Variants in PPEF1 observed in about 807,000 individuals in gnomAD.
PPEF1 encodes serine/threonine-protein phosphatase with EF-hands 1.
PPEF1 carries 12 observed loss-of-function variants against 53.3 expected under a neutral mutation model. The observed-to-expected ratio is 0.23, with a 90% CI of 0.14 to 0.36. The LOEUF (loss-of-function observed/expected upper bound fraction) is 0.36. PPEF1 is among the 10% of genes least tolerant of loss of function. The probability of loss-of-function intolerance (pLI) is 1.00; values close to 1 mark genes in which losing one functional copy is unlikely to be tolerated. For synonymous variants in PPEF1, 165 were observed against 176.7 expected (o/e 0.93, Z 0.52); for missense variants, 334 against 490.4 (o/e 0.68, Z 3.01).
intron 10 of PPEF1, among the ~76,000 whole-genome samples, chrX:18,802,053 CTT>C (rs1444206324): frequency 1.8e-5 from 2 of 109,268 alleles, no homozygotes; most frequent in African/African-American, 6.6e-5. Context: ...AGCCTCCAAT[CTT>C]TATGAAAAAT....
At chrX:18,766,269 G>C (rs1602428653) in intron 6 of PPEF1, among the ~76,000 whole-genome samples, 1 of 110,045 alleles carries the variant, frequency 9.1e-6, no homozygotes, top group Non-Finnish European at 1.9e-5. Context: ...AGGAAGCCCC[G>C]ACCATCTGAT....
intron 12 of PPEF1, 28 bp downstream of exon 12, chrX:18,806,573 G>A: frequency 1.7e-6 from 2 of 1,168,745 alleles, no homozygotes; most frequent in East Asian, 3.0e-5. Context: ...AGAGTGCTGA[G>A]CACTGGTATC....
chrX:18,752,018 G>A (rs1452130613), intron 4 of PPEF1, among the ~76,000 whole-genome samples: 1 of 111,801 alleles, frequency 8.9e-6, no homozygotes, highest in Non-Finnish European at 1.9e-5. Flanking sequence ...TGAATTTGAA[G>A]ATCAAATTTT....
intron 10 of PPEF1, among the ~76,000 whole-genome samples, chrX:18,794,571 T>C (rs1329988887): frequency 2.7e-5 from 3 of 112,847 alleles, no homozygotes; most frequent in Non-Finnish European, 5.6e-5. Context: ...TTGCCCTTCT[T>C]GGCATAGCAC....
At chrX:18,731,886 TTTTA>T (rs1343037402) in intron 2 of PPEF1, among the ~76,000 whole-genome samples, 73 of 112,234 alleles carry the variant, frequency 6.5e-4, no homozygotes, top group African/African-American at 2.3e-3. Flanking sequence ...CTGGCTTCTT[TTTTA>T]TTTATTTATT....
chrX:18,721,292 G>T (rs1451459978), intron 1 of PPEF1, among the ~76,000 whole-genome samples: 3 of 112,144 alleles, frequency 2.7e-5, no homozygotes, highest in Non-Finnish European at 5.6e-5. Flanking sequence ...ACAATTCCTT[G>T]ATGGAAAAGC....
intron 4 of PPEF1, among the ~76,000 whole-genome samples, chrX:18,694,100 T>G (rs1929572635): frequency 8.9e-6 from 1 of 111,750 alleles, no homozygotes; most frequent in African/African-American, 3.3e-5. Flanking sequence ...CTCAGCATAA[T>G]GCCTTTGAGA....
At chrX:18,793,079 G>A (rs1454136787) in intron 10 of PPEF1, among the ~76,000 whole-genome samples, 3 of 107,215 alleles carry the variant, frequency 2.8e-5, no homozygotes, top group African/African-American at 6.8e-5. Context: ...TTTGGGTTTA[G>A]TTTGCTCTTC....
chrX:18,681,544 T>C (rs1166432736), upstream of PPEF1, among the ~76,000 whole-genome samples: 1 of 111,818 alleles, frequency 8.9e-6, no homozygotes, highest in East Asian at 2.8e-4. Flanking sequence ...AGCAGAGACG[T>C]TTCCTAATTC....
intron 1 of PPEF1, among the ~76,000 whole-genome samples, chrX:18,729,776 C>T (rs1379596647): frequency 8.9e-6 from 1 of 112,394 alleles, no homozygotes; most frequent in African/African-American, 3.2e-5. Context: ...ATTGCTACTT[C>T]ATAGGGTATA....
At chrX:18,751,637 A>G (rs1428105612) in intron 4 of PPEF1, among the ~76,000 whole-genome samples, 3 of 111,888 alleles carry the variant, frequency 2.7e-5, no homozygotes, top group East Asian at 5.7e-4. Context: ...AAAATTAGCC[A>G]GGCATGGTGG....
intron 5 of PPEF1, among the ~76,000 whole-genome samples, chrX:18,699,021 T>C (rs1382615404): frequency 8.9e-6 from 1 of 111,826 alleles, no homozygotes; most frequent in South Asian, 3.8e-4. Flanking sequence ...ATAGCCATAA[T>C]TTAATGGCTG....
At chrX:18,749,561 T>C (rs1330333133) in intron 3 of PPEF1, among the ~76,000 whole-genome samples, 1 of 111,499 alleles carries the variant, frequency 9.0e-6, no homozygotes. Flanking sequence ...ATGGACCCAC[T>C]GCTGTGGTAA....
intron 3 of PPEF1, among the ~76,000 whole-genome samples, chrX:18,735,924 CTGTT>C (rs974559782): frequency 9.0e-6 from 1 of 111,571 alleles, no homozygotes; most frequent in East Asian, 2.8e-4. Context: ...ATTTGGCTCT[CTGTT>C]TGTCTGTTAT....
At chrX:18,801,383 A>G (rs1483088668) in intron 10 of PPEF1, among the ~76,000 whole-genome samples, 1 of 111,847 alleles carries the variant, frequency 8.9e-6, no homozygotes, top group Non-Finnish European at 1.9e-5. Flanking sequence ...TACCAAACTT[A>G]TAAACGGGTG....
intron 1 of PPEF1, among the ~76,000 whole-genome samples, chrX:18,718,909 C>T (rs2044518884): frequency 8.9e-6 from 1 of 111,867 alleles, no homozygotes; most frequent in Non-Finnish European, 1.9e-5. Flanking sequence ...TAATGCGGAT[C>T]GTATTTGACC....
At chrX:18,767,860 T>C in intron 6 of PPEF1, among the ~76,000 whole-genome samples, 1 of 111,077 alleles carries the variant, frequency 9.0e-6, no homozygotes, top group East Asian at 2.9e-4. Context: ...GGATTTCTCT[T>C]GGTAGCATCA....
In PPEF1 at chrX:18,755,332, C is replaced by T. The variant is rs185857080; in HGVS notation, c.397-2295C>T. Reference sequence around the variant, plus strand: ...CTGTAATCCCAGCACTTTGGGAGGCCGAGGCAGGCAAATCACTTGAGGTCA... The same window carrying T: ...CTGTAATCCCAGCACTTTGGGAGGCTGAGGCAGGCAAATCACTTGAGGTCA... On this transcript the variant is annotated intron_variant, in intron 4 of 15. Transcript: ENST00000470157. Among the ~76,000 whole-genome samples the T allele has an allele frequency of 8.2e-3, 909 of 111,492 alleles. 9 individuals are homozygous for T. The highest frequency in any genetic ancestry group is 0.028 in the African/African-American group (861 of 30,684).
At chrX:18,821,024 C>T (rs372176875) in intron 13 of PPEF1, among the ~76,000 whole-genome samples, 23 of 108,665 alleles carry the variant, frequency 2.1e-4, no homozygotes, top group African/African-American at 7.4e-4. Flanking sequence ...GAGATGGAGA[C>T]CATCCTGGCT....
Sources: allele counts gnomAD v4.1 joint callset (sites outside exome capture counted in the v4.1 genomes callset), GRCh38; gene constraint gnomAD v4.1.1; transcripts MANE v1.5; gene names NCBI Gene and HGNC (gene_info 2026-07-23, HGNC 2026-07-21).